Variants in PRDM11 observed in about 807,000 individuals in gnomAD.
The protein encoded by PRDM11 is PR domain-containing protein 11.
PRDM11 carries 20 observed loss-of-function variants against 97.8 expected under a neutral mutation model. The ratio of observed to expected loss-of-function variants is 0.20; its 90% CI spans 0.14 to 0.30. The LOEUF is 0.30. Among genes scored for constraint, PRDM11 ranks in the 10% least tolerant of loss-of-function variants. The probability of loss-of-function intolerance (pLI) is 1.00; values close to 1 mark genes in which losing one functional copy is unlikely to be tolerated. For missense variants in PRDM11, 1,139 were observed against 1,555.2 expected (o/e 0.73, Z 4.50); for synonymous variants, 599 against 637.7 (o/e 0.94, Z 0.91).
chr11:45,165,540 A>T (rs781519726), intron 1 of PRDM11, among the ~76,000 whole-genome samples: 18 of 152,208 alleles, frequency 1.2e-4, no homozygotes, highest in Non-Finnish European at 2.4e-4. Flanking sequence ...CGGGGGGCAC[A>T]TGTGAATGAC....
rs1022974544 is a variant in PRDM11, at chr11:45,216,881, G to T, written c.555-2689G>T. Among the ~76,000 whole-genome samples, 27 of 152,196 alleles carry T rather than the reference G, an allele frequency of 1.8e-4. 1 individual carries two copies. The highest frequency in any genetic ancestry group is 1.5e-5 in the Non-Finnish European group (1 of 68,046). On this transcript the variant is annotated intron_variant, in intron 5 of 7. Transcript: ENST00000683152. ...TGCTCTTTTGAATAAATAAATCCCA[G>T]ATAGGAATGTATTTCTCATCTAGCT...
intron 1 of PRDM11, among the ~76,000 whole-genome samples, chr11:45,135,328 C>A (rs1028693262): frequency 1.6e-4 from 24 of 152,050 alleles, no homozygotes; most frequent in Middle Eastern, 3.2e-3. Context: ...GAAAATTAAC[C>A]AAGATTCATA....
Position 45,219,696 on chromosome 11 carries a change from G to T in PRDM11, c.681G>T (p.Glu227Asp), listed in dbSNP as rs370866555. 6.2e-7 allele frequency: 1 copy of T among 1,614,066 alleles called. No homozygotes were observed. Among genetic ancestry groups the T allele is most frequent in the South Asian group, 1.1e-5 (1 of 91,070 alleles). Reference sequence around the variant, plus strand: ...AGTGGCTGCGGGTCTGGTACAGCGAGGACTACATGAAGCGCCTGCACAGCA... The same window carrying T: ...AGTGGCTGCGGGTCTGGTACAGCGATGACTACATGAAGCGCCTGCACAGCA... ...PGEWLRVWYS[E>D]DYMKRLHSMS... The change falls in exon 6 of 8, where the codon GAG becomes GAT. Residue 227 changes from glutamate to aspartate, a missense_variant. Coordinates refer to ENST00000683152, the MANE Select transcript of PRDM11 (RefSeq NM_001384648.1). The surrounding 1 kb of genome is among the most constrained non-coding windows in gnomAD (Gnocchi z 4.2).
At position 45,219,549 on chromosome 11, in the gene PRDM11, C is replaced by T. The variant is rs1415213802; in HGVS notation, c.555-21C>T. The stretch of plus-strand genomic sequence containing the variant: ...ACAAAGGGTGGCCCGTGCGTTCTCA[C>T]CTGTCTCCCCTCCCCACCAGGTACG... On this transcript the variant is annotated intron_variant, in intron 5 of 7. Transcript: ENST00000683152. This position sits in a 1 kb window ranked among gnomAD's most constrained non-coding sequence, Gnocchi z 4.2. 10 of 1,605,816 alleles carry T rather than the reference C, an allele frequency of 6.2e-6. No individual in the cohort carries two copies. Among genetic ancestry groups the T allele is most frequent in the South Asian group, 1.1e-5 (1 of 90,376 alleles).
At chr11:45,157,624 G>T (rs1851832208) in intron 1 of PRDM11, among the ~76,000 whole-genome samples, 1 of 152,240 alleles carries the variant, frequency 6.6e-6, no homozygotes, top group Non-Finnish European at 1.5e-5. Context: ...GTCTTGTGGA[G>T]TAGGTTGCTG....
chr11:45,197,951 C>T (rs990551965), intron 4 of PRDM11, among the ~76,000 whole-genome samples: 1 of 152,112 alleles, frequency 6.6e-6, no homozygotes, highest in Non-Finnish European at 1.5e-5. Flanking sequence ...AGCACACCAA[C>T]ATGGCACATG....
At chr11:45,190,440 G>A (rs945799276) in intron 4 of PRDM11, among the ~76,000 whole-genome samples, 33 of 149,946 alleles carry the variant, frequency 2.2e-4, no homozygotes, top group Admixed American at 1.9e-3. Context: ...GAGCCACCGC[G>A]CCCGGCCATA....
intron 1 of PRDM11, among the ~76,000 whole-genome samples, chr11:45,138,182 AG>A (rs1387879082): frequency 1.3e-5 from 2 of 151,980 alleles, no homozygotes; most frequent in African/African-American, 4.8e-5. Context: ...CCCAATGAAC[AG>A]GGGGGAAAAA....
intron 1 of PRDM11, among the ~76,000 whole-genome samples, chr11:45,151,178 GC>G (rs1425962517): frequency 1.3e-5 from 2 of 152,176 alleles, no homozygotes; most frequent in East Asian, 3.9e-4. Flanking sequence ...TGGCCCTGGT[GC>G]CAGGGCTGGT....
chr11:45,190,425 G>A (rs1590423663), intron 4 of PRDM11, among the ~76,000 whole-genome samples: 4 of 151,598 alleles, frequency 2.6e-5, no homozygotes, highest in Admixed American at 1.3e-4. Context: ...TGGGATTACA[G>A]GCATGAGCCA....
chr11:45,160,318 A>G (rs1038305999), intron 1 of PRDM11, among the ~76,000 whole-genome samples: 1 of 152,214 alleles, frequency 6.6e-6, no homozygotes, highest in East Asian at 1.9e-4. Flanking sequence ...GGAATATACA[A>G]ATACATTTTT....
At chr11:45,094,868 A>C (rs1349092830), upstream of PRDM11, among the ~76,000 whole-genome samples, 1 of 128,378 alleles carries the variant, frequency 7.8e-6, no homozygotes, top group African/African-American at 3.0e-5. Context: ...GAGGGAAGGA[A>C]GGGAAGGAAG....
rs1345386707 is a variant in PRDM11 at position 45,223,498 on chromosome 11, A to T, written c.743-719A>T. Among the ~76,000 whole-genome samples, 7 of 152,326 alleles carry T rather than the reference A, an allele frequency of 4.6e-5. No individual in the cohort carries two copies. In the East Asian group the frequency reaches 1.4e-3, roughly 29 times the overall value. ...CTATATTTCCTGACTGCTTTGGGTC[A>T]TTATGGCTACCTTGTCCTTTATCTT... On this transcript the variant is annotated intron_variant, in intron 6 of 7. Transcript: ENST00000683152.
Position 45,183,088 on chromosome 11 carries a change from A to C in PRDM11, c.451A>C (p.Thr151Pro). Residue 151 changes from threonine to proline, a missense_variant, in exon 4 of 8, where the codon ACC becomes CCC. By Grantham distance (38) the Thr-to-Pro change is conservative. Coordinates refer to ENST00000683152, the MANE Select transcript of PRDM11 (RefSeq NM_001384648.1). ...IFGPYEGQIS[T>P]QDKSAGFFSW... ...CGGCCCCTATGAGGGGCAGATCTCC[A>C]CCCAGGACAAATCAGCTGGCTTCTT... 6.2e-7 allele frequency: 1 copy of C among 1,613,756 alleles called. No homozygotes were observed. Among genetic ancestry groups the C allele is most frequent in the Non-Finnish European group, 8.5e-7 (1 of 1,179,916 alleles).
chr11:45,127,400 A>T (rs1000707658), intron 1 of PRDM11, among the ~76,000 whole-genome samples: 10 of 152,130 alleles, frequency 6.6e-5, no homozygotes, highest in Admixed American at 6.5e-4. Flanking sequence ...CCTTTGGAGG[A>T]GGAGAGGCGC....
At chr11:45,097,883 A>C (rs185018359) in intron 1 of PRDM11, among the ~76,000 whole-genome samples, 37 of 152,370 alleles carry the variant, frequency 2.4e-4, no homozygotes, top group Middle Eastern at 6.8e-3. Context: ...ACAGTTCTCC[A>C]AGGAATTTGG....
chr11:45,144,574 C>G (rs1851467302), upstream of PRDM11, among the ~76,000 whole-genome samples: 1 of 152,212 alleles, frequency 6.6e-6, no homozygotes, highest in East Asian at 1.9e-4. Context: ...GATGGGACCA[C>G]TCCCCTCCTT....
chr11:45,134,701 G>GAAACAAAAAAAAAAAAA (rs1852796562), intron 1 of PRDM11, among the ~76,000 whole-genome samples: 1 of 44,262 alleles, frequency 2.3e-5, no homozygotes, highest in Admixed American at 4.9e-4. Context: ...CCTGTCTCAC[G>GAAACAAAAAAAAAAAAA]AAAAAAAAAA....
intron 1 of PRDM11, among the ~76,000 whole-genome samples, chr11:45,130,724 T>C (rs913024427): frequency 6.6e-6 from 1 of 152,228 alleles, no homozygotes; most frequent in Non-Finnish European, 1.5e-5. Context: ...AATAGGGTCA[T>C]ATTGCTTATA....
Sources: allele counts gnomAD v4.1 joint callset (sites outside exome capture counted in the v4.1 genomes callset), GRCh38; gene constraint gnomAD v4.1.1; non-coding constraint Gnocchi (gnomAD v3.1); transcripts MANE v1.5; gene names NCBI Gene and HGNC (gene_info 2026-07-23, HGNC 2026-07-21).